Variants in FAM181A observed in about 807,000 individuals in gnomAD.
FAM181A encodes family with sequence similarity 181 member A, also known as protein FAM181A.
In FAM181A, 7 loss-of-function variants were observed where a neutral mutation model predicts 16.3. That is an observed-to-expected ratio of 0.43 (90% CI 0.24 to 0.81). FAM181A has a LOEUF of 0.81. Ranked by LOEUF, FAM181A falls within the 30% of genes least tolerant of loss-of-function variation. The probability of loss-of-function intolerance (pLI) is 0.24; values close to 1 mark genes in which losing one functional copy is unlikely to be tolerated. For missense variants in FAM181A, 349 were observed against 377.5 expected (o/e 0.92, Z 0.63); for synonymous variants, 183 against 164.9 (o/e 1.11, Z -0.84).
intron 1 of FAM181A, chr14:93,922,186 A>G (rs896362018): frequency 1.3e-5 from 2 of 152,246 alleles, no homozygotes; most frequent in Non-Finnish European, 2.9e-5. Flanking sequence ...GTGAAAATGT[A>G]AAATCTCCTT....
upstream of FAM181A, chr14:93,925,439 C>G (rs1223860904): frequency 7.7e-6 from 11 of 1,428,018 alleles, no homozygotes; most frequent in East Asian, 4.7e-5. Flanking sequence ...CAGCCTCACA[C>G]AGTAGGCAGC....
At chr14:93,920,634 C>A (rs1262221141) in intron 1 of FAM181A, among the ~76,000 whole-genome samples, 2 of 152,182 alleles carry the variant, frequency 1.3e-5, no homozygotes, top group African/African-American at 4.8e-5. Flanking sequence ...AATTTAACAT[C>A]CATTCACGAC....
chr14:93,928,559 G>A lies in FAM181A; in HGVS notation c.274G>A (p.Gly92Ser), dbSNP rs757033068. ...GGGCCCTGATTCCAGCCCCGGCGGG[G>A]GTGGGGGCTGCAAGGAGAAGGTGCT... ...DLGPDSSPGG[G>S]GGCKEKVLRN... Residue 92 changes from glycine (G) to serine (S), a missense_variant, in exon 2 of 2, where the codon GGT becomes AGT. By Grantham distance (56) the Gly-to-Ser change is moderately conservative (BLOSUM62 0). Coordinates refer to ENST00000556222, the MANE Select transcript of FAM181A (RefSeq NM_001207073.2). 7.4e-6 allele frequency: 12 copies of A among 1,613,182 alleles called. No homozygotes were observed. The Admixed American group carries it at 2.0e-4, about 27-fold the overall frequency.
intron 1 of FAM181A, among the ~76,000 whole-genome samples, chr14:93,920,781 G>A (rs1595280949): frequency 6.6e-6 from 1 of 152,194 alleles, no homozygotes; most frequent in East Asian, 1.9e-4. Context: ...ACAAGACACA[G>A]AGGTCTGTTT....
upstream of FAM181A, chr14:93,925,315 C>T: frequency 3.1e-6 from 5 of 1,613,562 alleles, no homozygotes; most frequent in Non-Finnish European, 4.2e-6. Context: ...AGGAATGATG[C>T]AGCCCCCACA....
intron 1 of FAM181A, among the ~76,000 whole-genome samples, chr14:93,921,100 A>G (rs577108880): frequency 6.6e-6 from 1 of 152,194 alleles, no homozygotes; most frequent in African/African-American, 2.4e-5. Flanking sequence ...CCATATCAAT[A>G]CCCATGTGTG....
At chr14:93,921,145 A>G (rs1306243009) in intron 1 of FAM181A, among the ~76,000 whole-genome samples, 1 of 152,250 alleles carries the variant, frequency 6.6e-6, no homozygotes, top group Non-Finnish European at 1.5e-5. Flanking sequence ...ATGTAATTCA[A>G]CCAGGAAACT....
At chr14:93,927,276 G>T (rs1035294357), upstream of FAM181A, 1 of 1,015,878 alleles carries the variant, frequency 9.8e-7, no homozygotes, top group African/African-American at 1.7e-5. Flanking sequence ...CTGGAGAGGC[G>T]CTCCTGATTG....
upstream of FAM181A, chr14:93,925,336 G>A: frequency 6.2e-7 from 1 of 1,613,578 alleles, no homozygotes; most frequent in South Asian, 1.1e-5. Context: ...AATCACAGAA[G>A]GCCTGGGGAG....
rs1888018975 is a variant in FAM181A at position 93,928,581 on chromosome 14, T to G, written c.296T>G (p.Val99Gly). The change falls in exon 2 of 2, where the codon GTG becomes GGG. Residue 99 changes from valine (V) to glycine (G), a missense_variant. Coordinates refer to ENST00000556222, the MANE Select transcript of FAM181A (RefSeq NM_001207073.2). ...GGGGGTGGGGGCTGCAAGGAGAAGG[T>G]GCTGAGGAACCCCTACAGGGAGGAA... ...PGGGGGCKEK[V>G]LRNPYREECL... 1.2e-6 allele frequency: 2 copies of G among 1,613,334 alleles called. No individual in the cohort carries two copies. Among genetic ancestry groups the G allele is most frequent in the Non-Finnish European group, 1.7e-6 (2 of 1,179,834 alleles).
At chr14:93,927,221 G>GA (rs1345140938), upstream of FAM181A, 121 of 938,498 alleles carry the variant, frequency 1.3e-4, no homozygotes, top group Non-Finnish European at 1.5e-4. Context: ...TGACGGCAAA[G>GA]AATGTGGGAA....
At chr14:93,925,323 A>C, upstream of FAM181A, 1 of 1,613,686 alleles carries the variant, frequency 6.2e-7, no homozygotes, top group South Asian at 1.1e-5. Flanking sequence ...TGCAGCCCCC[A>C]CAAATCACAG....
chr14:93,925,378 C>A, upstream of FAM181A: 1 of 1,610,808 alleles, frequency 6.2e-7, no homozygotes, highest in Non-Finnish European at 8.5e-7. Context: ...CAGGTGGTTA[C>A]GTAGTCAGAT....
In FAM181A at chr14:93,929,359, G is replaced by A; in HGVS notation, c.*195G>A. 1 of 762,686 alleles carries A rather than the reference G, an allele frequency of 1.3e-6. No individual in the cohort carries two copies. 47.2% of individuals were successfully genotyped at this position (762,686 alleles called of 1,614,324 possible). A position where few individuals can be genotyped will look rare whatever the true frequency, so the allele number is the denominator to read the frequency against. On this transcript the variant is annotated 3_prime_UTR_variant, in exon 2 of 2. Coordinates refer to ENST00000556222, the MANE Select transcript of FAM181A (RefSeq NM_001207073.2). ...GCCTTGCAGCCTTGGAAGCTGGGAG[G>A]CTGGACCTGGTTGGCCCCTCCCCAG... is the stretch of plus-strand genomic sequence containing the variant.
Position 93,921,234 on chromosome 14 carries a change from G to A in FAM181A, c.-225+2240G>A, listed in dbSNP as rs573362174. Among the ~76,000 whole-genome samples the A allele has an allele frequency of 4.6e-5, 7 of 152,294 alleles. No homozygotes were observed. In the East Asian group the frequency reaches 1.3e-3, roughly 29 times the overall value. On this transcript the variant is annotated intron_variant, in intron 1 of 2. Transcript: ENST00000267594. Reference sequence around the variant, plus strand: ...AGAGTTCAAAGATCTTATCTCTGAAGCCCGTCTCCCTTTCATGGTACAATA... The same window carrying A: ...AGAGTTCAAAGATCTTATCTCTGAAACCCGTCTCCCTTTCATGGTACAATA...
At position 93,928,911 on chromosome 14, in the gene FAM181A, A is replaced by G. The variant is rs777601587; in HGVS notation, c.626A>G (p.Asn209Ser). The G allele has an allele frequency of 3.1e-6, 5 of 1,614,028 alleles. No individual in the cohort carries two copies. The highest frequency in any genetic ancestry group is 4.2e-6 in the Non-Finnish European group (5 of 1,180,008). The stretch of plus-strand genomic sequence containing the variant: ...GGGGTCTCCTTGGTGGGCCGCGTCA[A>G]TGCCTGGAGTTGCTGCCCCTTCCAG... ...MPGVSLVGRVNAWSCCPFQYH... is the reference protein window; with the variant it reads ...MPGVSLVGRVSAWSCCPFQYH... Residue 209 changes from asparagine to serine, a missense_variant, in exon 2 of 2, where the codon AAT (asparagine) becomes AGT (serine). By Grantham distance (46) the Asn-to-Ser change is conservative (BLOSUM62 1). Transcript: ENST00000556222.
chr14:93,927,385 C>A lies in FAM181A; in HGVS notation c.-157C>A. The A allele has an allele frequency of 4.4e-6, 5 of 1,143,712 alleles. No individual in the cohort carries two copies. The highest frequency in any genetic ancestry group is 5.4e-6 in the Non-Finnish European group (5 of 917,940). The allele number at this position is 1,143,712 out of a possible 1,614,324, so 70.8% of individuals were successfully genotyped here. The stretch of plus-strand genomic sequence containing the variant: ...CCGGACGGAGCTCGGCCGGCTGCGC[C>A]GGGGCCTGTCCCAGGTCTGCAGTGG... On this transcript the variant is annotated 5_prime_UTR_variant, in exon 1 of 2. Coordinates refer to ENST00000556222, the MANE Select transcript of FAM181A (RefSeq NM_001207073.2).
chr14:93,928,466 G>A lies in FAM181A; in HGVS notation c.181G>A (p.Gly61Ser), dbSNP rs1888009385. Residue 61 changes from glycine (G) to serine (S), a missense_variant, in exon 2 of 2, where the codon GGC (glycine) becomes AGC (serine). Gly to Ser is a moderately conservative substitution (Grantham distance 56, BLOSUM62 0). Transcript: ENST00000556222. ...TTCCCGGCTCCCGCGGGGCCTTCCT[G>A]GCAGAGCTGCTGAGCCCTACCTGAA... ...KYSRLPRGLPGRAAEPYLKRG... is the reference protein window; with the variant it reads ...KYSRLPRGLPSRAAEPYLKRG... 3.7e-6 allele frequency: 6 copies of A among 1,611,454 alleles called. No homozygotes were observed. The highest frequency in any genetic ancestry group is 1.7e-4 in the Middle Eastern group (1 of 6,052).
At position 93,928,468 on chromosome 14, in the gene FAM181A, C is replaced by A. The variant is rs377419146; in HGVS notation, c.183C>A (p.Gly61=). 1.2e-6 allele frequency: 2 copies of A among 1,611,128 alleles called. No homozygotes were observed. The highest frequency in any genetic ancestry group is 1.7e-5 in the Admixed American group (1 of 59,952). The change falls in exon 2 of 2, where the codon GGC becomes GGA. Residue 61 remains glycine (G), a synonymous_variant. Transcript: ENST00000556222. ...KYSRLPRGLP[G]RAAEPYLKRG... The stretch of plus-strand genomic sequence containing the variant: ...CCCGGCTCCCGCGGGGCCTTCCTGG[C>A]AGAGCTGCTGAGCCCTACCTGAAAA...
Sources: gnomAD v4.1 joint callset for allele counts (sites outside exome capture counted in the v4.1 genomes callset) on GRCh38, gnomAD v4.1.1 for gene constraint, MANE v1.5 for transcripts, NCBI Gene and HGNC (gene_info 2026-07-23, HGNC 2026-07-21) for gene names.